Variants in SV2C observed in about 807,000 individuals in gnomAD.
SV2C encodes solute carrier family 22 member B3.
SV2C carries 49 observed loss-of-function variants against 79.7 expected under a neutral mutation model. That is an observed-to-expected ratio of 0.61 (90% CI 0.49 to 0.78). The LOEUF (loss-of-function observed/expected upper bound fraction) is 0.78. Among genes scored for constraint, SV2C ranks in the 30% least tolerant of loss-of-function variants. The pLI, the probability that SV2C is intolerant of heterozygous loss-of-function variation, is 0.00. For synonymous variants in SV2C, 334 were observed against 333.2 expected (o/e 1.00, Z -0.03); for missense variants, 833 against 912.9 (o/e 0.91, Z 1.13).
At chr5:75,955,978 G>A in the SV2C span, among the ~76,000 whole-genome samples, 6 of 150,644 alleles carry the variant, frequency 4.0e-5, no homozygotes, top group African/African-American at 1.2e-4. Flanking sequence ...CATTGTGGAA[G>A]TCAGTGTGGC....
the SV2C span, among the ~76,000 whole-genome samples, chr5:76,002,234 G>A: frequency 6.6e-6 from 1 of 151,754 alleles, no homozygotes. Flanking sequence ...ATTTAGGTTG[G>A]TTCTATATTT....
intron 1 of SV2C, among the ~76,000 whole-genome samples, chr5:76,131,182 G>A (rs1015702228): frequency 3.3e-5 from 5 of 152,056 alleles, no homozygotes; most frequent in Non-Finnish European, 5.9e-5. Context: ...TTGTATATGG[G>A]GCTGCTTGCT....
chr5:76,183,030 A>ATTT (rs759427459), intron 2 of SV2C, among the ~76,000 whole-genome samples: 15 of 102,050 alleles, frequency 1.5e-4, no homozygotes, highest in Non-Finnish European at 2.2e-4. Flanking sequence ...AGAACCTACC[A>ATTT]TTTTTTTTTT....
At chr5:76,146,316 A>G (rs758622530) in intron 2 of SV2C, among the ~76,000 whole-genome samples, 1 of 152,186 alleles carries the variant, frequency 6.6e-6, no homozygotes, top group African/African-American at 2.4e-5. Flanking sequence ...AAGGAATAAA[A>G]GAATAGCTAC....
the SV2C span, among the ~76,000 whole-genome samples, chr5:75,984,727 T>A: frequency 1.3e-5 from 2 of 152,042 alleles, no homozygotes; most frequent in East Asian, 3.9e-4. Context: ...AAGTCTGAAT[T>A]CCATAGGGCA....
the SV2C span, among the ~76,000 whole-genome samples, chr5:75,857,392 C>A: frequency 1.3e-5 from 2 of 152,096 alleles, no homozygotes; most frequent in Non-Finnish European, 2.9e-5. Context: ...TTGTTCTTGG[C>A]ATTTTTGTCA....
intron 4 of SV2C, among the ~76,000 whole-genome samples, chr5:76,279,294 A>G (rs1228136469): frequency 6.6e-6 from 1 of 152,210 alleles, no homozygotes; most frequent in Non-Finnish European, 1.5e-5. Flanking sequence ...AAAAGAATGT[A>G]TTTCAGAGAC....
At chr5:76,318,956 T>A (rs1748728049) in intron 12 of SV2C, among the ~76,000 whole-genome samples, 1 of 152,170 alleles carries the variant, frequency 6.6e-6, no homozygotes, top group Non-Finnish European at 1.5e-5. Context: ...TGAGCAAAGG[T>A]GACTCGTACT....
chr5:76,297,493 C>T (rs1352919789), intron 9 of SV2C, among the ~76,000 whole-genome samples: 3 of 152,092 alleles, frequency 2.0e-5, no homozygotes, highest in African/African-American at 7.2e-5. Context: ...TCTGAATTAT[C>T]CATTCAAAAA....
At chr5:76,007,458 A>T in the SV2C span, among the ~76,000 whole-genome samples, 3 of 152,110 alleles carry the variant, frequency 2.0e-5, no homozygotes, top group Non-Finnish European at 4.4e-5. Flanking sequence ...ATGAAATAAT[A>T]GGTAAAAGTT....
the SV2C span, among the ~76,000 whole-genome samples, chr5:76,011,092 A>G: frequency 1.3e-5 from 2 of 152,214 alleles, no homozygotes; most frequent in Non-Finnish European, 2.9e-5. Context: ...TAGTTGATAA[A>G]GTGATCATTT....
the SV2C span, among the ~76,000 whole-genome samples, chr5:75,918,427 G>A: frequency 6.6e-6 from 1 of 152,196 alleles, no homozygotes; most frequent in Non-Finnish European, 1.5e-5. Context: ...ATGACAATTT[G>A]GTGTGACTTT....
chr5:76,041,202 A>T, the SV2C span, among the ~76,000 whole-genome samples: 1 of 152,324 alleles, frequency 6.6e-6, no homozygotes, highest in East Asian at 1.9e-4. Flanking sequence ...CTAACCAACG[A>T]TAGATAAAAT....
At chr5:76,296,949 G>A (rs1172343487) in intron 9 of SV2C, among the ~76,000 whole-genome samples, 1 of 151,998 alleles carries the variant, frequency 6.6e-6, no homozygotes, top group Non-Finnish European at 1.5e-5. Context: ...CAAGTCCTCT[G>A]TGATGCCAGG....
intron 4 of SV2C, among the ~76,000 whole-genome samples, chr5:76,261,458 G>A (rs1251151461): frequency 6.6e-6 from 1 of 152,004 alleles, no homozygotes; most frequent in Non-Finnish European, 1.5e-5. Context: ...CGATTGTTCT[G>A]GCCAGAACTT....
intron 1 of SV2C, among the ~76,000 whole-genome samples, chr5:76,096,515 C>T (rs1283972107): frequency 6.6e-6 from 1 of 152,082 alleles, no homozygotes; most frequent in Non-Finnish European, 1.5e-5. Context: ...TTTCAAGTTG[C>T]ATTTTGAATT....
intron 1 of SV2C, among the ~76,000 whole-genome samples, chr5:76,101,494 G>A (rs1747741691): frequency 6.6e-6 from 1 of 152,114 alleles, no homozygotes; most frequent in South Asian, 2.1e-4. Context: ...GCTGTGGGAG[G>A]TAGAACCTAG....
the SV2C span, among the ~76,000 whole-genome samples, chr5:76,000,547 C>A: frequency 6.6e-6 from 1 of 152,190 alleles, no homozygotes; most frequent in African/African-American, 2.4e-5. Flanking sequence ...CACTCAAATT[C>A]GAGAAGCCCT....
the SV2C span, among the ~76,000 whole-genome samples, chr5:75,969,581 A>G: frequency 3.9e-5 from 6 of 152,366 alleles, no homozygotes; most frequent in African/African-American, 1.2e-4. Flanking sequence ...AAAGAAGGCC[A>G]TTACATAATG....
Sources: gnomAD v4.1 joint callset for allele counts (sites outside exome capture counted in the v4.1 genomes callset) on GRCh38, gnomAD v4.1.1 for gene constraint, MANE v1.5 for transcripts, NCBI Gene and HGNC (gene_info 2026-07-23, HGNC 2026-07-21) for gene names.